TMPRSS4: variants seen among roughly 807,000 people sequenced by gnomAD.
The protein encoded by TMPRSS4 is transmembrane serine protease 4.
Under a neutral mutation model 56.4 loss-of-function variants are expected in TMPRSS4, and 45 were observed. The ratio of observed to expected loss-of-function variants is 0.80; its 90% CI spans 0.63 to 1.02. The LOEUF is 1.02. TMPRSS4 is among the 50% of genes least tolerant of loss of function. The pLI, the probability that TMPRSS4 is intolerant of heterozygous loss-of-function variation, is 0.00. For missense variants in TMPRSS4, 546 were observed against 556.7 expected (o/e 0.98, Z 0.19); for synonymous variants, 205 against 211.0 (o/e 0.97, Z 0.25).
At chr11:118,103,700 C>T (rs949307340) in intron 4 of TMPRSS4, among the ~76,000 whole-genome samples, 25 of 152,276 alleles carry the variant, frequency 1.6e-4, no homozygotes, top group African/African-American at 5.5e-4. Flanking sequence ...TTCTTGAGAG[C>T]AGGACCCTGT....
At position 118,118,901 on chromosome 11, in the gene TMPRSS4, G is replaced by A. The variant is rs191947171; in HGVS notation, c.*988G>A. 2.0e-6 allele frequency: 2 copies of A among 985,464 alleles called. No individual in the cohort carries two copies. The highest frequency in any genetic ancestry group is 6.1e-5 in the Admixed American group (1 of 16,296). The allele number at this position is 985,464 out of a possible 1,614,324, so 61.0% of individuals were successfully genotyped here. ...AAACAAAAAGGATCAGCTGCCAGGT[G>A]TGAGGCAGTCCCCAAGCTGAGTTGT... On this transcript the variant is annotated 3_prime_UTR_variant, in exon 13 of 13. Transcript: ENST00000437212.
At chr11:118,090,266 T>G (rs1347113225) in intron 1 of TMPRSS4, among the ~76,000 whole-genome samples, 1 of 152,224 alleles carries the variant, frequency 6.6e-6, no homozygotes, top group African/African-American at 2.4e-5. Flanking sequence ...AACTGAGATA[T>G]TTTCATTAAT....
chr11:118,086,816 C>T (rs147344612), intron 1 of TMPRSS4: 2 of 152,804 alleles, frequency 1.3e-5, no homozygotes, highest in African/African-American at 4.8e-5. Context: ...ATCAAACTGC[C>T]TATTCCAGCT....
chr11:118,088,896 T>C (rs1338627601), intron 1 of TMPRSS4, among the ~76,000 whole-genome samples: 1 of 152,216 alleles, frequency 6.6e-6, no homozygotes, highest in African/African-American at 2.4e-5. Context: ...TGTTTTCTCA[T>C]CTGAAAATAA....
chr11:118,107,862 C>T lies in TMPRSS4; in HGVS notation c.529C>T (p.Arg177Trp), dbSNP rs760112502. 6 of 1,613,924 alleles carry T rather than the reference C, an allele frequency of 3.7e-6. No individual in the cohort carries two copies. The highest frequency in any genetic ancestry group is 4.5e-5 in the East Asian group (2 of 44,880). Residue 177 changes from arginine (R) to tryptophan (W), a missense_variant, in exon 6 of 13, where the codon CGG becomes TGG. Arg to Trp is a moderately radical substitution (Grantham distance 101, BLOSUM62 -3). Transcript: ENST00000437212. ...ITENSQELRM[R>W]NSSGPCLSGS... ...AGAAAACAGCCAGGAGCTTCGCATG[C>T]GGAACTCAAGTGGGTAAGTGAGGGG...
At position 118,115,780 on chromosome 11, in the gene TMPRSS4, G is replaced by A. The variant is rs528052685; in HGVS notation, c.1152+500G>A. 8.5e-5 allele frequency among the ~76,000 whole-genome samples: 13 copies of A among 152,220 alleles called. No individual in the cohort carries two copies. In the South Asian group the frequency reaches 2.1e-3, roughly 24 times the overall value. On this transcript the variant is annotated intron_variant, in intron 11 of 12. Coordinates refer to ENST00000437212, the MANE Select transcript of TMPRSS4 (RefSeq NM_019894.4). The stretch of plus-strand genomic sequence containing the variant: ...AGAGGTTGCAGTAAGCTGAGATTGC[G>A]CCACTGCACTCCAGCCTGGGTGACC...
At position 118,108,778 on chromosome 11, in the gene TMPRSS4, C is replaced by G. The variant is rs375143647; in HGVS notation, c.543-78C>G. On this transcript the variant is annotated intron_variant, in intron 6 of 12. Transcript: ENST00000437212. ...GGTATTGGGAGGGGACTTGAATTAA[C>G]AGCTTCGGGAGGCCTGAGTCCCTGC... 4.5e-5 allele frequency: 67 copies of G among 1,499,712 alleles called. 1 individual carries two copies. In the South Asian group the frequency reaches 7.8e-4, roughly 17 times the overall value. 92.9% of individuals were successfully genotyped at this position (1,499,712 alleles called of 1,614,324 possible).
chr11:118,093,205 C>G (rs1315176644), intron 1 of TMPRSS4, among the ~76,000 whole-genome samples: 1 of 152,184 alleles, frequency 6.6e-6, no homozygotes, highest in Non-Finnish European at 1.5e-5. Flanking sequence ...CTGTGTCCAC[C>G]GTGCTTAGCC....
chr11:118,111,970 G>A, intron 8 of TMPRSS4, 70 bp downstream of exon 8: 3 of 1,560,360 alleles, frequency 1.9e-6, no homozygotes, highest in Non-Finnish European at 1.7e-6. Flanking sequence ...TTGGGGTCCT[G>A]TCTCCTGGCA....
chr11:118,117,140 G>T (rs1489011344), intron 11 of TMPRSS4, among the ~76,000 whole-genome samples, 165 bp from the exon 12 acceptor site: 1 of 152,226 alleles, frequency 6.6e-6, no homozygotes, highest in Non-Finnish European at 1.5e-5. Context: ...TGCCCCAGAA[G>T]AGAAGACCAT....
At chr11:118,078,213 G>C (rs968537943) in intron 1 of TMPRSS4, among the ~76,000 whole-genome samples, 1 of 152,046 alleles carries the variant, frequency 6.6e-6, no homozygotes, top group Admixed American at 6.6e-5. Flanking sequence ...ATCTTTCAAG[G>C]AGGACAGCTG....
At chr11:118,092,731 A>C (rs940805060) in intron 1 of TMPRSS4, among the ~76,000 whole-genome samples, 53 of 152,222 alleles carry the variant, frequency 3.5e-4, no homozygotes, top group African/African-American at 1.1e-3. Context: ...AGTTTCTCCC[A>C]AAGTTAGTTC....
chr11:118,093,824 C>CG lies in TMPRSS4; in HGVS notation c.4-992_4-991insG, dbSNP rs1555083624. ...TTCCTTCCAATAACTAACTGCCCCC[C>CG]CCAATGGTAACCACTATTCTGACTT... is the stretch of plus-strand genomic sequence containing the variant. On this transcript the variant is annotated intron_variant, in intron 1 of 12. Transcript: ENST00000437212. Among the ~76,000 whole-genome samples the CG allele has an allele frequency of 4.0e-4, 61 of 151,500 alleles. 1 individual carries two copies. The East Asian group carries it at 9.5e-3, about 24-fold the overall frequency.
At chr11:118,097,379 GA>G (rs1946465097) in intron 2 of TMPRSS4, among the ~76,000 whole-genome samples, 1 of 152,186 alleles carries the variant, frequency 6.6e-6, no homozygotes, top group Non-Finnish European at 1.5e-5. Flanking sequence ...GGAGATCCAG[GA>G]AGGCCTCACT....
At chr11:118,083,421 G>A (rs1272293792) in intron 1 of TMPRSS4, among the ~76,000 whole-genome samples, 1 of 152,086 alleles carries the variant, frequency 6.6e-6, no homozygotes, top group Non-Finnish European at 1.5e-5. Context: ...GTCCCCAGAT[G>A]CGCTTAGTCC....
downstream of TMPRSS4, chr11:118,125,448 T>C (rs753157097): frequency 9.1e-6 from 4 of 437,296 alleles, no homozygotes; most frequent in Admixed American, 4.8e-5. Flanking sequence ...ACAGCCCCTG[T>C]CCCCCTTATG....
At chr11:118,107,699 T>C in intron 5 of TMPRSS4, 75 bp from the exon 6 acceptor site, 1 of 1,275,788 alleles carries the variant, frequency 7.8e-7, no homozygotes, top group Non-Finnish European at 1.1e-6. Context: ...CTCCTGAAAG[T>C]GGGGGCCAAC....
intron 6 of TMPRSS4, 28 bp from the exon 7 acceptor site, chr11:118,108,828 A>T (rs1947130575): frequency 1.9e-6 from 3 of 1,613,432 alleles, no homozygotes; most frequent in African/African-American, 1.3e-5. Flanking sequence ...AGAAGCTTAA[A>T]TCACAGGGCG....
At position 118,115,086 on chromosome 11, in the gene TMPRSS4, G is replaced by A. The variant is rs957152370; in HGVS notation, c.1010-52G>A. ...AAAGCAAAGTGGTTTGGCAATCCAG[G>A]GCTGGGGGATAGAAGGCAAGGATGG... On this transcript the variant is annotated intron_variant, in intron 10 of 12. Transcript: ENST00000437212. The A allele has an allele frequency of 2.5e-6, 4 of 1,588,250 alleles. No homozygotes were observed. In the South Asian group the frequency reaches 4.6e-5, roughly 18 times the overall value.
Sources: allele counts gnomAD v4.1 joint callset (sites outside exome capture counted in the v4.1 genomes callset), GRCh38; gene constraint gnomAD v4.1.1; transcripts MANE v1.5; gene names NCBI Gene and HGNC (gene_info 2026-07-23, HGNC 2026-07-21).